The following RBFOX1 variants were observed in gnomAD, a reference collection of about 807,000 sequenced individuals.
RBFOX1 encodes RNA binding protein fox-1 homolog 1.
In RBFOX1, 8 loss-of-function variants were observed where a neutral mutation model predicts 57.7. The ratio of observed to expected loss-of-function variants is 0.14; its 90% CI spans 0.08 to 0.25. The LOEUF (loss-of-function observed/expected upper bound fraction) is 0.25. Ranked by LOEUF, RBFOX1 falls within the 10% of genes least tolerant of loss-of-function variation. The pLI is 1.00. For synonymous variants in RBFOX1, 326 were observed against 222.4 expected (o/e 1.47, Z -4.15); for missense variants, 611 against 548.5 (o/e 1.11, Z -1.14).
rs142799444 is a variant in RBFOX1, at chr16:6,519,019, T to C, written c.-63-135584T>C. On this transcript the variant is annotated intron_variant, in intron 2 of 15. Coordinates refer to ENST00000550418, the MANE Select transcript of RBFOX1 (RefSeq NM_018723.4). ...ATTTTCTCAGTGGGCTCCCAAGGAC[T>C]GTGAGAAGATAAACACTTAATTCTA... is the stretch of plus-strand genomic sequence containing the variant. Among the ~76,000 whole-genome samples, 623 of 151,892 alleles carry C rather than the reference T, an allele frequency of 4.1e-3. 6 individuals are homozygous for C. The highest frequency in any genetic ancestry group is 0.014 in the African/African-American group (573 of 41,400).
chr16:7,673,891 C>T (rs2072424731), intron 13 of RBFOX1, among the ~76,000 whole-genome samples: 1 of 152,090 alleles, frequency 6.6e-6, no homozygotes, highest in Non-Finnish European at 1.5e-5. Context: ...CAAATGATCT[C>T]GGAAGACCAG....
At chr16:5,772,749 C>T (rs760520456) in intron 3 of RBFOX1, among the ~76,000 whole-genome samples, 1 of 152,154 alleles carries the variant, frequency 6.6e-6, no homozygotes, top group African/African-American at 2.4e-5. Flanking sequence ...TATCTCTGTC[C>T]TTGTGGAGCT....
At chr16:6,439,338 C>G (rs747773701) in intron 2 of RBFOX1, among the ~76,000 whole-genome samples, 4 of 152,196 alleles carry the variant, frequency 2.6e-5, no homozygotes, top group Non-Finnish European at 5.9e-5. Flanking sequence ...GGACGGCCAA[C>G]CTCTCCTTTC....
At chr16:7,367,925 A>G (rs1023948737) in intron 4 of RBFOX1, among the ~76,000 whole-genome samples, 22 of 149,920 alleles carry the variant, frequency 1.5e-4, no homozygotes, top group Non-Finnish European at 7.4e-5. Context: ...GACACTACAC[A>G]TGATCAAACA....
intron 4 of RBFOX1, among the ~76,000 whole-genome samples, chr16:7,365,040 CCGT>C (rs1167586354): frequency 1.3e-5 from 2 of 152,160 alleles, no homozygotes; most frequent in African/African-American, 2.4e-5. Context: ...GTCCGTCTGT[CCGT>C]CGTCTATCAA....
At chr16:6,350,792 T>TTAAAGAGTGA (rs2086224986) in intron 2 of RBFOX1, among the ~76,000 whole-genome samples, 4 of 152,188 alleles carry the variant, frequency 2.6e-5, no homozygotes, top group African/African-American at 9.7e-5. Flanking sequence ...CAACAAAAAC[T>TTAAAGAGTGA]TAAAGAGTGC....
At chr16:6,816,361 A>C (rs1272948634) in intron 3 of RBFOX1, among the ~76,000 whole-genome samples, 1 of 152,090 alleles carries the variant, frequency 6.6e-6, no homozygotes, top group Admixed American at 6.5e-5. Context: ...CCTGTTGAAA[A>C]AGCCTTTTAG....
chr16:6,653,777 G>T (rs534502037), intron 2 of RBFOX1, among the ~76,000 whole-genome samples: 1 of 151,950 alleles, frequency 6.6e-6, no homozygotes, highest in South Asian at 2.1e-4. Context: ...TGGATGGATG[G>T]ATAGGTGGGT....
At chr16:6,763,980 C>T (rs1184032440) in intron 3 of RBFOX1, among the ~76,000 whole-genome samples, 1 of 152,184 alleles carries the variant, frequency 6.6e-6, no homozygotes. Context: ...AGTTTCTTTA[C>T]AGTGGCCATC....
intron 4 of RBFOX1, among the ~76,000 whole-genome samples, chr16:7,504,787 T>TATATA (rs1555526513): frequency 1.1e-4 from 1 of 9,370 alleles, no homozygotes; most frequent in Admixed American, 1.0e-3. Flanking sequence ...ATATATATAT[T>TATATA]TATATATATA....
chr16:5,557,259 CAATAAATAAATAAATA>C (rs201351265), intron 2 of RBFOX1, among the ~76,000 whole-genome samples: 6,226 of 143,480 alleles, frequency 0.043, 169 homozygotes, highest in East Asian at 0.1. Context: ...GACTCCATCT[CAATAAATAAATAAATA>C]AATAAATAAA....
At chr16:5,629,015 G>A (rs1448806459) in intron 3 of RBFOX1, among the ~76,000 whole-genome samples, 2 of 152,124 alleles carry the variant, frequency 1.3e-5, no homozygotes, top group African/African-American at 4.8e-5. Context: ...TTCTAATGAT[G>A]CCATCCAGGC....
chr16:6,549,458 A>C (rs2096950488), intron 2 of RBFOX1, among the ~76,000 whole-genome samples: 1 of 64,242 alleles, frequency 1.6e-5, no homozygotes, highest in Non-Finnish European at 2.9e-5. Context: ...AGGAGGGAAA[A>C]GGAAGTGGGG....
intron 3 of RBFOX1, among the ~76,000 whole-genome samples, chr16:6,882,023 C>T (rs564755808): frequency 6.6e-6 from 1 of 152,136 alleles, no homozygotes; most frequent in East Asian, 1.9e-4. Context: ...ACCAAAGACT[C>T]TAGACTTCAT....
At chr16:6,886,085 C>T (rs1156487775) in intron 3 of RBFOX1, among the ~76,000 whole-genome samples, 4 of 138,676 alleles carry the variant, frequency 2.9e-5, no homozygotes, top group Non-Finnish European at 4.6e-5. Context: ...TTTTTTGAGA[C>T]GGAGTCTCGC....
chr16:5,406,383 G>C (rs903242307), intron 1 of RBFOX1, among the ~76,000 whole-genome samples: 1 of 152,110 alleles, frequency 6.6e-6, no homozygotes, highest in African/African-American at 2.4e-5. Context: ...GCTTGAGCTG[G>C]GACGTCAATC....
At chr16:7,168,456 T>C (rs758691803) in intron 4 of RBFOX1, among the ~76,000 whole-genome samples, 2 of 152,178 alleles carry the variant, frequency 1.3e-5, no homozygotes, top group Non-Finnish European at 2.9e-5. Flanking sequence ...GTGAACCTCA[T>C]TGGCGAGCTC....
intron 1 of RBFOX1, among the ~76,000 whole-genome samples, chr16:5,439,461 A>T (rs1224626029): frequency 6.6e-6 from 1 of 152,100 alleles, no homozygotes; most frequent in Non-Finnish European, 1.5e-5. Context: ...AGCACTTCCA[A>T]TGGGAAATGA....
chr16:6,558,622 C>G (rs918521025), intron 2 of RBFOX1, among the ~76,000 whole-genome samples: 1 of 152,074 alleles, frequency 6.6e-6, no homozygotes, highest in African/African-American at 2.4e-5. Flanking sequence ...GTTGTCATGT[C>G]AATGTCTAGA....
Sources: allele counts gnomAD v4.1 joint callset (sites outside exome capture counted in the v4.1 genomes callset), GRCh38; gene constraint gnomAD v4.1.1; transcripts MANE v1.5; gene names NCBI Gene and HGNC (gene_info 2026-07-23, HGNC 2026-07-21).